ANLN: variants seen among roughly 807,000 people sequenced by gnomAD.
ANLN encodes anillin, actin binding protein.
Under a neutral mutation model 135.1 loss-of-function variants are expected in ANLN, and 59 were observed. The observed-to-expected ratio is 0.44, with a 90% CI of 0.35 to 0.54. ANLN has a LOEUF of 0.54. Among genes scored for constraint, ANLN ranks in the 20% least tolerant of loss-of-function variants. The pLI is 0.00. For missense variants in ANLN, 1,182 were observed against 1,340.0 expected (o/e 0.88, Z 1.84); for synonymous variants, 406 against 456.4 (o/e 0.89, Z 1.41).
Position 36,425,956 on chromosome 7 carries a change from T to A in ANLN, c.2749-59T>A. On this transcript the variant is annotated intron_variant, in intron 18 of 23. Transcript: ENST00000265748. ...GATGAGTGATTCATATTTAAATCTTTGTATTAAATAAGGGAAATAACTTAT... is the reference window on the plus strand; with the variant it reads ...GATGAGTGATTCATATTTAAATCTTAGTATTAAATAAGGGAAATAACTTAT... The A allele has an allele frequency of 3.7e-6, 5 of 1,362,388 alleles. No homozygotes were observed. The South Asian group carries it at 5.2e-5, about 14-fold the overall frequency. 84.4% of individuals were successfully genotyped at this position (1,362,388 alleles called of 1,614,324 possible). A position where few individuals can be genotyped will look rare whatever the true frequency, so the allele number is the denominator to read the frequency against.
intron 2 of ANLN, 49 bp from the exon 3 acceptor site, chr7:36,399,030 T>G: frequency 3.4e-6 from 5 of 1,488,962 alleles, no homozygotes; most frequent in Non-Finnish European, 4.6e-6. Flanking sequence ...AAGTTTTTCA[T>G]GTGAGAAATT....
intron 9 of ANLN, among the ~76,000 whole-genome samples, chr7:36,418,731 A>ATTTCTT (rs941305796): frequency 6.7e-6 from 1 of 149,402 alleles, no homozygotes; most frequent in African/African-American, 2.4e-5. Context: ...CCCAATATTC[A>ATTTCTT]TTTCTTTTTC....
chr7:36,411,129 G>T lies in ANLN; in HGVS notation c.1358G>T (p.Gly453Val). Reference sequence around the variant, plus strand: ...GGCAATATATGGAGTGCAGAAAAAGGCGGAAACTCAAAAAGCAAACAACTA... The same window carrying T: ...GGCAATATATGGAGTGCAGAAAAAGTCGGAAACTCAAAAAGCAAACAACTA... ...DKGNIWSAEK[G>V]GNSKSKQLET... Residue 453 changes from glycine to valine, a missense_variant, in exon 7 of 24, where the codon GGC (glycine) becomes GTC (valine). Physicochemically the swap from Gly to Val is moderately radical, Grantham distance 109. Coordinates refer to ENST00000265748, the MANE Select transcript of ANLN (RefSeq NM_018685.5). 1.9e-6 allele frequency: 3 copies of T among 1,608,708 alleles called. No individual in the cohort carries two copies. The highest frequency in any genetic ancestry group is 2.5e-6 in the Non-Finnish European group (3 of 1,178,902).
intron 5 of ANLN, among the ~76,000 whole-genome samples, chr7:36,408,678 C>T (rs1787289971): frequency 6.6e-6 from 1 of 152,098 alleles, no homozygotes; most frequent in African/African-American, 2.4e-5. Flanking sequence ...CTTTTTTCTT[C>T]TGCCAAACTG....
At chr7:36,409,355 C>T (rs534036920) in intron 5 of ANLN, among the ~76,000 whole-genome samples, 1 of 152,108 alleles carries the variant, frequency 6.6e-6, no homozygotes, top group South Asian at 2.1e-4. Context: ...CTGCCCTTTG[C>T]TTGTTTTTGC....
intron 20 of ANLN, among the ~76,000 whole-genome samples, chr7:36,432,096 C>T (rs1255789637): frequency 2.0e-5 from 3 of 152,124 alleles, no homozygotes; most frequent in Non-Finnish European, 4.4e-5. Context: ...GTGGTACACA[C>T]CTGTAGCCCT....
intron 20 of ANLN, among the ~76,000 whole-genome samples, chr7:36,434,728 G>A (rs1047841051): frequency 1.3e-5 from 2 of 152,082 alleles, no homozygotes; most frequent in African/African-American, 4.8e-5. Context: ...GCCAGGTGTA[G>A]TGGTGCATGC....
In ANLN at chr7:36,396,298, G is replaced by C. The variant is rs766850900; in HGVS notation, c.51G>C (p.Glu17Asp). 1.2e-6 allele frequency: 2 copies of C among 1,607,428 alleles called. No homozygotes were observed. The highest frequency in any genetic ancestry group is 1.7e-6 in the Non-Finnish European group (2 of 1,175,202). ...TGGAGCGAACCCGTGCCAGGCGAGA[G>C]AATCTTCAGAGAAAAATGGCTGAGA... ...KLLERTRARR[E>D]NLQRKMAERP... The change falls in exon 2 of 24, where the codon GAG (glutamate) becomes GAC (aspartate). Residue 17 changes from glutamate to aspartate, a missense_variant. Around this residue, in one of 3 missense-constraint regions of ANLN, gnomAD observed 1,022 missense variants for 1,134.0 expected, o/e 0.90. Coordinates refer to ENST00000265748, the MANE Select transcript of ANLN (RefSeq NM_018685.5).
At chr7:36,439,161 C>T in intron 20 of ANLN, 43 bp from the exon 21 acceptor site, 1 of 1,124,956 alleles carries the variant, frequency 8.9e-7, no homozygotes, top group African/African-American at 1.5e-5. Context: ...AAAAATCACA[C>T]TTTGAACCTG....
intron 15 of ANLN, 108 bp from the exon 16 acceptor site, chr7:36,424,437 A>T (rs1787998774): frequency 2.3e-6 from 2 of 864,762 alleles, no homozygotes; most frequent in Admixed American, 2.9e-5. Flanking sequence ...CTTTAAAGTC[A>T]TAGTGGATTC....
chr7:36,424,058 T>G, intron 15 of ANLN, 115 bp downstream of exon 15: 4 of 1,087,288 alleles, frequency 3.7e-6, no homozygotes, highest in Non-Finnish European at 5.1e-6. Flanking sequence ...GCACATTCTT[T>G]TTATATTGAC....
chr7:36,427,993 G>A (rs2116703767), intron 20 of ANLN, among the ~76,000 whole-genome samples: 1 of 152,176 alleles, frequency 6.6e-6, no homozygotes, highest in Non-Finnish European at 1.5e-5. Context: ...AGAAGCCCTG[G>A]TTTCTAGTAT....
At chr7:36,436,107 G>GTCTT (rs949611683) in intron 20 of ANLN, among the ~76,000 whole-genome samples, 3 of 152,036 alleles carry the variant, frequency 2.0e-5, no homozygotes, top group African/African-American at 4.8e-5. Flanking sequence ...TCATTAAGCA[G>GTCTT]TCTTTGCCCA....
At chr7:36,390,183 G>A in intron 1 of ANLN, 139 bp downstream of exon 1, 2 of 1,464,042 alleles carry the variant, frequency 1.4e-6, no homozygotes, top group Non-Finnish European at 9.3e-7. Flanking sequence ...GCGGGCCGGG[G>A]TCGCCGCGGC....
chr7:36,449,440 A>T lies in ANLN; in HGVS notation c.3079-225A>T, dbSNP rs1451534236. 3 of 387,594 alleles carry T rather than the reference A, an allele frequency of 7.7e-6. No individual in the cohort carries two copies. The East Asian group carries it at 1.3e-4, about 17-fold the overall frequency. 24.0% of individuals were successfully genotyped at this position (387,594 alleles called of 1,614,324 possible). ...TCACCATAATAAAGAGCTTTATAGGATAGTTGGCAAGAGCTACCAGTTGAT... is the reference window on the plus strand; with the variant it reads ...TCACCATAATAAAGAGCTTTATAGGTTAGTTGGCAAGAGCTACCAGTTGAT... On this transcript the variant is annotated intron_variant, in intron 22 of 23. Coordinates refer to ENST00000265748, the MANE Select transcript of ANLN (RefSeq NM_018685.5).
chr7:36,405,179 A>G (rs1204412365), intron 3 of ANLN, among the ~76,000 whole-genome samples: 5 of 152,210 alleles, frequency 3.3e-5, no homozygotes, highest in African/African-American at 1.2e-4. Flanking sequence ...GTAGAGTAAC[A>G]TGCTGTACAG....
chr7:36,450,344 A>C (rs1789193033), intron 23 of ANLN, among the ~76,000 whole-genome samples: 1 of 152,250 alleles, frequency 6.6e-6, no homozygotes, highest in Admixed American at 6.5e-5. Flanking sequence ...GCTTATTGCT[A>C]GGATTCTAAG....
At chr7:36,392,289 C>T (rs1036850704) in intron 1 of ANLN, among the ~76,000 whole-genome samples, 3 of 152,056 alleles carry the variant, frequency 2.0e-5, no homozygotes, top group African/African-American at 7.2e-5. Context: ...AAATGAAGTT[C>T]CCTGGGGAAG....
At chr7:36,426,676 T>C (rs563539525) in intron 19 of ANLN, among the ~76,000 whole-genome samples, 1 of 152,336 alleles carries the variant, frequency 6.6e-6, no homozygotes, top group South Asian at 2.1e-4. Context: ...TTTTTATGCA[T>C]ACATTTTTAG....
Sources: allele counts gnomAD v4.1 joint callset (sites outside exome capture counted in the v4.1 genomes callset), GRCh38; gene constraint gnomAD v4.1.1; regional missense constraint gnomAD v4.1.1; transcripts MANE v1.5; gene names NCBI Gene and HGNC (gene_info 2026-07-23, HGNC 2026-07-21).